The following RP1 variants were observed in gnomAD, a reference collection of about 807,000 sequenced individuals.
RP1 encodes oxygen-regulated protein 1.
RP1 carries 16 observed loss-of-function variants against 14.8 expected under a neutral mutation model. That is an observed-to-expected ratio of 1.08 (90% confidence interval 0.73 to 1.65). The LOEUF is 1.65. Ranked by LOEUF, RP1 falls within the 40% of genes most tolerant of loss-of-function variation. The probability of loss-of-function intolerance (pLI) is 0.00; values close to 1 mark genes in which losing one functional copy is unlikely to be tolerated. For synonymous variants in RP1, 876 were observed against 883.6 expected (o/e 0.99, Z 0.15); for missense variants, 2,631 against 2,535.0 (o/e 1.04, Z -0.81).
At chr8:54,586,949 A>G (rs1354739089) in intron 1 of RP1, among the ~76,000 whole-genome samples, 1 of 152,214 alleles carries the variant, frequency 6.6e-6, no homozygotes, top group Admixed American at 6.5e-5. Flanking sequence ...TTCCTGGGTG[A>G]GGCAATGCCT....
intron 12 of RP1, among the ~76,000 whole-genome samples, chr8:54,692,883 G>A (rs1325576100): frequency 2.0e-5 from 3 of 152,090 alleles, no homozygotes; most frequent in Non-Finnish European, 4.4e-5. Flanking sequence ...TAGCCATGAA[G>A]TGCTTGCCCA....
intron 25 of RP1, among the ~76,000 whole-genome samples, chr8:54,844,234 T>C (rs2129405662): frequency 6.6e-6 from 1 of 152,326 alleles, no homozygotes; most frequent in South Asian, 2.1e-4. Context: ...CATACCACCT[T>C]CTCTAAATTG....
In RP1 at chr8:54,617,500, GC is replaced by G. The variant is rs1261177430; in HGVS notation, c.-13+1299del. Among the ~76,000 whole-genome samples the G allele has an allele frequency of 2.0e-5, 3 of 152,210 alleles. 1 individual carries two copies. Among genetic ancestry groups the G allele is most frequent in the Non-Finnish European group, 4.4e-5 (3 of 68,034 alleles). On this transcript the variant is annotated intron_variant, in intron 1 of 3. Coordinates refer to ENST00000220676, the MANE Select transcript of RP1 (RefSeq NM_006269.2). ...TGGTAGCTCTGTTTCACAGAAGTGGGCACTGTATTGTCAAGACTTAATGACC... is the reference window on the plus strand; with the variant it reads ...TGGTAGCTCTGTTTCACAGAAGTGGGACTGTATTGTCAAGACTTAATGACC...
chr8:54,787,829 A>G (rs1266176591), intron 24 of RP1, among the ~76,000 whole-genome samples: 1 of 152,212 alleles, frequency 6.6e-6, no homozygotes, highest in African/African-American at 2.4e-5. Flanking sequence ...TGTAAAAACA[A>G]TTTATATCAC....
At chr8:54,812,325 G>C (rs1211278482) in intron 24 of RP1, among the ~76,000 whole-genome samples, 1 of 152,176 alleles carries the variant, frequency 6.6e-6, no homozygotes, top group African/African-American at 2.4e-5. Context: ...ATTTTTAATA[G>C]AGACAGGGTT....
chr8:54,637,967 A>G (rs1429777810), intron 3 of RP1, among the ~76,000 whole-genome samples: 1 of 151,884 alleles, frequency 6.6e-6, no homozygotes, highest in East Asian at 1.9e-4. Flanking sequence ...CAACTCCTCT[A>G]CCCAGCTCCC....
intron 1 of RP1, among the ~76,000 whole-genome samples, chr8:54,563,680 G>A (rs1457568485): frequency 6.6e-6 from 1 of 151,902 alleles, no homozygotes; most frequent in Non-Finnish European, 1.5e-5. Context: ...TGAGTAGCTG[G>A]GATTACAGTT....
At chr8:54,694,032 T>C (rs1012337402) in intron 12 of RP1, among the ~76,000 whole-genome samples, 2 of 152,108 alleles carry the variant, frequency 1.3e-5, no homozygotes, top group Non-Finnish European at 2.9e-5. Flanking sequence ...GCATGAAGGG[T>C]TGTTGAATTT....
chr8:54,798,569 G>C (rs1182319515), intron 24 of RP1, among the ~76,000 whole-genome samples: 2 of 152,098 alleles, frequency 1.3e-5, no homozygotes, highest in African/African-American at 2.4e-5. Flanking sequence ...TTAATAAATA[G>C]AACTTATAGT....
chr8:54,585,575 A>G (rs1398211360), intron 1 of RP1, among the ~76,000 whole-genome samples: 2 of 152,198 alleles, frequency 1.3e-5, no homozygotes, highest in African/African-American at 4.8e-5. Flanking sequence ...TCTCCTGGAT[A>G]ATATCCTGCA....
chr8:54,746,633 C>T (rs1809230990), intron 19 of RP1, among the ~76,000 whole-genome samples: 1 of 152,028 alleles, frequency 6.6e-6, no homozygotes, highest in African/African-American at 2.4e-5. Context: ...TTAAATAAAA[C>T]TAATAATTGT....
rs978340882 is a variant in RP1 at position 54,781,106 on chromosome 8, C to T, written c.3452-2441C>T. ...TTCCAAGAAAATTTCCTTTTATCTACAGTAGGGTTTATTTAAATGAAAGAC... is the reference window on the plus strand; with the variant it reads ...TTCCAAGAAAATTTCCTTTTATCTATAGTAGGGTTTATTTAAATGAAAGAC... On this transcript the variant is annotated intron_variant, in intron 23 of 28. Coordinates refer to the RP1 transcript ENST00000637698. The T allele has an allele frequency of 4.5e-6, 4 of 881,772 alleles. No homozygotes were observed. The South Asian group carries it at 2.1e-4, about 46-fold the overall frequency. The allele number at this position is 881,772 out of a possible 1,614,324, so 54.6% of individuals were successfully genotyped here. A position where few individuals can be genotyped will look rare whatever the true frequency, so the allele number is the denominator to read the frequency against.
chr8:54,834,992 C>T (rs933868454), intron 24 of RP1, among the ~76,000 whole-genome samples: 1 of 152,196 alleles, frequency 6.6e-6, no homozygotes, highest in African/African-American at 2.4e-5. Context: ...AAATTTGCTC[C>T]TAGAACTTAA....
chr8:54,858,866 A>G (rs891509889), intron 27 of RP1, among the ~76,000 whole-genome samples: 2 of 151,542 alleles, frequency 1.3e-5, no homozygotes, highest in African/African-American at 4.9e-5. Context: ...CTGTAGAGTG[A>G]TGTCACTGCA....
At chr8:54,849,202 A>T (rs1327883934) in intron 25 of RP1, among the ~76,000 whole-genome samples, 1 of 152,172 alleles carries the variant, frequency 6.6e-6, no homozygotes, top group Non-Finnish European at 1.5e-5. Flanking sequence ...AGGAGGCTAC[A>T]GTTCACCTGT....
chr8:54,621,691 C>T (rs1805883556), intron 2 of RP1, 110 bp downstream of exon 2: 1 of 1,502,002 alleles, frequency 6.7e-7, no homozygotes, highest in African/African-American at 1.4e-5. Flanking sequence ...TCCTTCCTCC[C>T]TGCCTGTGTA....
At chr8:54,853,348 CAG>C (rs142324804) in intron 26 of RP1, among the ~76,000 whole-genome samples, 39 of 149,736 alleles carry the variant, frequency 2.6e-4, no homozygotes, top group Admixed American at 6.0e-4. Flanking sequence ...TGAAGGAAGG[CAG>C]AGAGAGAGAG....
At chr8:54,658,720 T>C (rs1212143095) in intron 6 of RP1, among the ~76,000 whole-genome samples, 12 of 152,220 alleles carry the variant, frequency 7.9e-5, no homozygotes, top group Admixed American at 7.2e-4. Context: ...TCTTTGAGAT[T>C]CTACTTTGAA....
In RP1 at chr8:54,859,386, G is replaced by A. The variant is rs1035185957; in HGVS notation, c.4069+2280G>A. ...GTCACTGTGGAGCATTGTCACTATG[G>A]AGTGGTATCACTGTAGGTGGTGTCA... On this transcript the variant is annotated intron_variant, in intron 27 of 28. Transcript: ENST00000637698. Among the ~76,000 whole-genome samples the A allele has an allele frequency of 6.6e-5, 10 of 150,806 alleles. 1 individual carries two copies. In the South Asian group the frequency reaches 1.5e-3, roughly 22 times the overall value.
Sources: allele counts gnomAD v4.1 joint callset (sites outside exome capture counted in the v4.1 genomes callset), GRCh38; gene constraint gnomAD v4.1.1; transcripts MANE v1.5; gene names NCBI Gene and HGNC (gene_info 2026-07-23, HGNC 2026-07-21).